Variants in PKHD1L1 observed in about 807,000 individuals in gnomAD.
The protein encoded by PKHD1L1 is fibrocystin-L.
In PKHD1L1, 434 loss-of-function variants were observed where a neutral mutation model predicts 462.9. The ratio of observed to expected loss-of-function variants is 0.94; its 90% CI spans 0.87 to 1.02. PKHD1L1 has a LOEUF of 1.02. Ranked by LOEUF, PKHD1L1 falls within the 50% of genes least tolerant of loss-of-function variation. The pLI is 0.00. For synonymous variants in PKHD1L1, 1,781 were observed against 1,750.0 expected, an observed-to-expected ratio of 1.02 and a Z score of -0.44; for missense variants, 5,202 against 5,096.1, an observed-to-expected ratio of 1.02 and a Z score of -0.63.
rs2130798139 is a variant in PKHD1L1 at position 109,454,773 on chromosome 8, T to C, written c.6795T>C (p.His2265=). The change falls in exon 45 of 78, where the codon CAT becomes CAC. Residue 2265 remains histidine (H), a synonymous_variant. Coordinates refer to ENST00000378402, the MANE Select transcript of PKHD1L1 (RefSeq NM_177531.6). Reference sequence around the variant, plus strand: ...AACACAAGGCTGTCATTACCTTGCATGGTCACCTGCGATCTCCTGAGCTCC... The same window carrying C: ...AACACAAGGCTGTCATTACCTTGCACGGTCACCTGCGATCTCCTGAGCTCC... ...PFQHKAVITL[H]GHLRSPELPV... 1 of 1,613,870 alleles carries C rather than the reference T, an allele frequency of 6.2e-7. No homozygotes were observed. Among genetic ancestry groups the C allele is most frequent in the Non-Finnish European group, 8.5e-7 (1 of 1,179,816 alleles).
At chr8:109,435,490 G>T in intron 29 of PKHD1L1, 136 bp downstream of exon 29, 1 of 939,968 alleles carries the variant, frequency 1.1e-6, no homozygotes, top group Non-Finnish European at 1.5e-6. Context: ...CCTTCGAGAA[G>T]GTACAGTGAT....
At chr8:109,512,272 T>G (rs1820031726) in intron 71 of PKHD1L1, among the ~76,000 whole-genome samples, 1 of 151,990 alleles carries the variant, frequency 6.6e-6, no homozygotes, top group South Asian at 2.1e-4. Flanking sequence ...TCCTTGCCCA[T>G]GTCTATGTCC....
intron 43 of PKHD1L1, 147 bp downstream of exon 43, chr8:109,453,021 T>A: frequency 1.6e-6 from 1 of 617,762 alleles, no homozygotes; most frequent in Non-Finnish European, 2.4e-6. Flanking sequence ...AATTGAGTAT[T>A]ACAATCCATT....
At chr8:109,455,870 C>G (rs1162937368) in intron 45 of PKHD1L1, among the ~76,000 whole-genome samples, 1 of 151,912 alleles carries the variant, frequency 6.6e-6, no homozygotes, top group Non-Finnish European at 1.5e-5. Context: ...TATGTAATTT[C>G]TTAGAAAATC....
intron 63 of PKHD1L1, among the ~76,000 whole-genome samples, chr8:109,495,276 A>G (rs888149438): frequency 1.1e-4 from 16 of 152,148 alleles, no homozygotes; most frequent in Admixed American, 6.5e-4. Context: ...AAAAATTTAA[A>G]ATATGTAATT....
chr8:109,386,636 T>C (rs948334926), intron 6 of PKHD1L1, among the ~76,000 whole-genome samples: 1 of 152,086 alleles, frequency 6.6e-6, no homozygotes, highest in Non-Finnish European at 1.5e-5. Context: ...TAATTCCTTA[T>C]GTGTAATAAA....
intron 32 of PKHD1L1, 78 bp downstream of exon 32, chr8:109,439,170 C>A: frequency 7.5e-7 from 1 of 1,324,670 alleles, no homozygotes. Flanking sequence ...AAGAAGTGGG[C>A]ATTAAGCTTT....
intron 23 of PKHD1L1, among the ~76,000 whole-genome samples, chr8:109,422,028 A>C (rs1426876474): frequency 1.3e-5 from 2 of 152,226 alleles, no homozygotes; most frequent in African/African-American, 4.8e-5. Flanking sequence ...TAGATCAATA[A>C]ATTGTTTTAA....
rs1401921354 is a variant in PKHD1L1 at position 109,413,441 on chromosome 8, A to G, written c.2256A>G (p.Gly752=). ...TGTAGTTATGTTTAGCATACAAAGG[A>G]TTCCTGGCAAATTATATTGGTCTAA... ...PYNQLCLAYK[G]FLANYIGLKF... Residue 752 remains glycine, a synonymous_variant, in exon 21 of 78, where the codon GGA becomes GGG. Coordinates refer to ENST00000378402, the MANE Select transcript of PKHD1L1 (RefSeq NM_177531.6). 14 of 1,560,868 alleles carry G rather than the reference A, an allele frequency of 9.0e-6. No individual in the cohort carries two copies. The highest frequency in any genetic ancestry group is 1.2e-5 in the Non-Finnish European group (14 of 1,145,678).
Position 109,497,260 on chromosome 8 carries a change from T to G in PKHD1L1, c.10587T>G (p.Asn3529Lys), listed in dbSNP as rs1819143542. The change falls in exon 65 of 78, where the codon AAT becomes AAG. Residue 3529 changes from asparagine (N) to lysine (K), a missense_variant. This residue lies in a region of PKHD1L1 where 4,497 missense variants were observed against 4,336.8 expected (regional missense o/e 1.04). Transcript: ENST00000378402. ...AAISHKISSK[N>K]VQIKSSLIVG... ...TATCACACAAAATTTCCAGTAAAAA[T>G]GTACAAATTAAGGTAAGAAATTAAT... 1 of 1,612,970 alleles carries G rather than the reference T, an allele frequency of 6.2e-7. No homozygotes were observed.
At position 109,436,406 on chromosome 8, in the gene PKHD1L1, A is replaced by G. The variant is rs10093885; in HGVS notation, c.3574A>G (p.Thr1192Ala). ...TTCAAAGGTATTAGTTGGAAATGAA[A>G]CCTGCAATGTGATTGAAGGGGATTT... Reference protein sequence around the residue: ...ENSKVLVGNETCNVIEGDLNR... With the variant: ...ENSKVLVGNEACNVIEGDLNR... Residue 1192 changes from threonine to alanine, a missense_variant, in exon 30 of 78, where the codon ACC (threonine) becomes GCC (alanine). Physicochemically the swap from Thr to Ala is moderately conservative, Grantham distance 58. This residue lies in a region of PKHD1L1 where 4,497 missense variants were observed against 4,336.8 expected (regional missense o/e 1.04). Transcript: ENST00000378402. 0.22 allele frequency: 353,191 copies of G among 1,612,494 alleles called. 41,528 individuals are homozygous for G. Among genetic ancestry groups the G allele is most frequent in the African/African-American group, 0.33 (24,937 of 74,830 alleles).
intron 77 of PKHD1L1, among the ~76,000 whole-genome samples, chr8:109,528,890 T>A (rs1260500590): frequency 6.6e-6 from 1 of 151,992 alleles, no homozygotes; most frequent in Non-Finnish European, 1.5e-5. Context: ...TGAGTAGGGG[T>A]ATTGTGGGCA....
intron 9 of PKHD1L1, among the ~76,000 whole-genome samples, chr8:109,392,459 T>C (rs1812756489): frequency 6.6e-6 from 1 of 152,128 alleles, no homozygotes; most frequent in South Asian, 2.1e-4. Flanking sequence ...CTGCATTAAA[T>C]TGTTGATTCT....
chr8:109,498,675 TG>T lies in PKHD1L1; in HGVS notation c.10734del (p.Trp3578CysfsTer20). On this transcript the variant is annotated frameshift_variant, in exon 67 of 78. Transcript: ENST00000378402. LOFTEE classifies it high-confidence loss of function. ...AAAAGGTGGGAGAAGTGGGATTTGT[TG>T]GCCTACCTTTGCTTCAGCTCATAAC... Reference protein sequence around the residue: ...SPSGGRSGICWPTFASAHNMA... With the variant: ...SPSGGRSGICXPTFASAHNMA... 6.2e-7 allele frequency: 1 copy of T among 1,614,010 alleles called. No individual in the cohort carries two copies. Among genetic ancestry groups the T allele is most frequent in the South Asian group, 1.1e-5 (1 of 91,078 alleles).
rs991704776 is a variant in PKHD1L1 at position 109,480,271 on chromosome 8, C to G, written c.9327+132C>G. 3.2e-6 allele frequency: 3 copies of G among 941,956 alleles called. No individual in the cohort carries two copies. In the African/African-American group the frequency reaches 5.1e-5, roughly 16 times the overall value. 58.3% of individuals were successfully genotyped at this position (941,956 alleles called of 1,614,324 possible). A position where few individuals can be genotyped will look rare whatever the true frequency, so the allele number is the denominator to read the frequency against. On this transcript the variant is annotated intron_variant, in intron 55 of 77. Transcript: ENST00000378402. The stretch of plus-strand genomic sequence containing the variant: ...ACAACTGGCTCTATCCCATTAAATG[C>G]AAGTCTCAGTTAAGTCCAATATATT...
intron 68 of PKHD1L1, among the ~76,000 whole-genome samples, chr8:109,506,455 T>C (rs1189483931): frequency 6.6e-6 from 1 of 152,198 alleles, no homozygotes; most frequent in Non-Finnish European, 1.5e-5. Context: ...GATCAGATTA[T>C]AGCTAGTGGA....
chr8:109,447,644 C>T (rs1317768228), intron 38 of PKHD1L1, among the ~76,000 whole-genome samples: 1 of 152,204 alleles, frequency 6.6e-6, no homozygotes, highest in Non-Finnish European at 1.5e-5. Context: ...TCCTATCTTA[C>T]ACCCATTTAC....
intron 34 of PKHD1L1, 87 bp from the exon 35 acceptor site, chr8:109,441,920 G>T: frequency 9.0e-7 from 1 of 1,113,964 alleles, no homozygotes; most frequent in South Asian, 2.5e-5. Context: ...TTTCACTACT[G>T]ACTGTATATA....
rs373369337 is a variant in PKHD1L1 at position 109,476,594 on chromosome 8, T to C, written c.8844T>C (p.Asn2948=). 2.5e-6 allele frequency: 4 copies of C among 1,587,988 alleles called. No homozygotes were observed. The African/African-American group carries it at 5.4e-5, about 21-fold the overall frequency. ...TTGATATGAGGAATGGTTCCTCAAA[T>C]CCATTGAATTGGAATACTAGCAAGA... ...NIIDMRNGSS[N]PLNWNTSKNG... is the part of the protein sequence containing the mutation. Residue 2948 remains asparagine, a synonymous_variant, in exon 52 of 78, where the codon AAT becomes AAC. Transcript: ENST00000378402.
Sources: gnomAD v4.1 joint callset for allele counts (sites outside exome capture counted in the v4.1 genomes callset) on GRCh38, gnomAD v4.1.1 for gene constraint, gnomAD v4.1.1 regional missense constraint, MANE v1.5 for transcripts, NCBI Gene and HGNC (gene_info 2026-07-23, HGNC 2026-07-21) for gene names.